SKAP1: variants seen among roughly 807,000 people sequenced by gnomAD.
SKAP1 encodes the protein src kinase-associated phosphoprotein 1.
SKAP1 carries 44 observed loss-of-function variants against 58.5 expected under a neutral mutation model. The ratio of observed to expected loss-of-function variants is 0.75; its 90% CI spans 0.59 to 0.97. SKAP1 has a LOEUF of 0.97. SKAP1 is among the 50% of genes least tolerant of loss of function. The pLI is 0.00. For missense variants in SKAP1, 390 were observed against 435.2 expected, an observed-to-expected ratio of 0.90 and a Z score of 0.92; for synonymous variants, 127 against 149.7, an observed-to-expected ratio of 0.85 and a Z score of 1.11.
intron 4 of SKAP1, among the ~76,000 whole-genome samples, chr17:48,223,521 A>G (rs909887452): frequency 6.6e-6 from 1 of 152,198 alleles, no homozygotes; most frequent in Non-Finnish European, 1.5e-5. Context: ...TTTTGGCATC[A>G]TCTGTGAACT....
At chr17:48,225,363 A>G (rs2065055493) in intron 4 of SKAP1, among the ~76,000 whole-genome samples, 2 of 152,202 alleles carry the variant, frequency 1.3e-5, no homozygotes, top group Admixed American at 6.5e-5. Context: ...ACATTTATTT[A>G]TCAAGTAGAT....
intron 4 of SKAP1, among the ~76,000 whole-genome samples, chr17:48,243,083 T>G (rs1212255548): frequency 2.0e-5 from 3 of 152,228 alleles, no homozygotes; most frequent in Non-Finnish European, 2.9e-5. Flanking sequence ...ATACCTGGAC[T>G]GTGATGTAAA....
rs114362406 is a variant in SKAP1 at position 48,331,838 on chromosome 17, A to G, written c.280+14067T>C. The stretch of plus-strand genomic sequence containing the variant: ...AATAAGCTAGTTAATAAAGCATCTA[A>G]GGAAGGAGAAAATATGTTCATTGAA... On this transcript the variant is annotated intron_variant, in intron 4 of 12. Transcript: ENST00000336915. Among the ~76,000 whole-genome samples the G allele has an allele frequency of 3.4e-3, 516 of 152,340 alleles. 4 individuals carry two copies. Among genetic ancestry groups the G allele is most frequent in the African/African-American group, 0.012 (481 of 41,588 alleles).
intron 4 of SKAP1, among the ~76,000 whole-genome samples, chr17:48,303,185 T>C (rs1055646146): frequency 6.6e-6 from 1 of 151,840 alleles, no homozygotes; most frequent in East Asian, 1.9e-4. Context: ...TATTGGAGAG[T>C]CTTACTTCAC....
rs77517499 is a variant in SKAP1 at position 48,257,386 on chromosome 17, C to A, written c.281-67886G>T. ...TAGCCAGTTTACTACAAACACAAATCTTACATGTGGAGCTATGTGTGAAGG... is the reference window on the plus strand; with the variant it reads ...TAGCCAGTTTACTACAAACACAAATATTACATGTGGAGCTATGTGTGAAGG... On this transcript the variant is annotated intron_variant, in intron 4 of 12. Transcript: ENST00000336915. Among the ~76,000 whole-genome samples, 42 of 152,212 alleles carry A rather than the reference C, an allele frequency of 2.8e-4. No homozygotes were observed. In the East Asian group the frequency reaches 6.2e-3, roughly 22 times the overall value.
chr17:48,389,807 A>C (rs2067324109), intron 2 of SKAP1, among the ~76,000 whole-genome samples: 1 of 152,240 alleles, frequency 6.6e-6, no homozygotes, highest in African/African-American at 2.4e-5. Context: ...ACTCATTTTC[A>C]ACAGAATCAT....
At chr17:48,357,277 C>T (rs532674320) in intron 3 of SKAP1, among the ~76,000 whole-genome samples, 142 of 151,984 alleles carry the variant, frequency 9.3e-4, no homozygotes, top group African/African-American at 3.2e-3. Flanking sequence ...TTAGAAAGGA[C>T]ATAAAAATCT....
intron 4 of SKAP1, among the ~76,000 whole-genome samples, chr17:48,248,156 C>T (rs1019995547): frequency 6.6e-6 from 1 of 151,858 alleles, no homozygotes; most frequent in Non-Finnish European, 1.5e-5. Flanking sequence ...TATATTTTTA[C>T]CCATTTATTC....
intron 4 of SKAP1, among the ~76,000 whole-genome samples, chr17:48,215,855 C>T (rs2064933555): frequency 6.6e-6 from 1 of 152,106 alleles, no homozygotes. Context: ...AGACAGTTTT[C>T]CTCCTTTCCT....
intron 4 of SKAP1, among the ~76,000 whole-genome samples, chr17:48,213,907 T>C (rs1267497085): frequency 2.0e-5 from 3 of 152,164 alleles, no homozygotes; most frequent in African/African-American, 7.2e-5. Context: ...TGCACAGCAC[T>C]CAAGGGTGGC....
At chr17:48,321,603 C>T (rs1021452399) in intron 4 of SKAP1, among the ~76,000 whole-genome samples, 1 of 152,044 alleles carries the variant, frequency 6.6e-6, no homozygotes, top group Non-Finnish European at 1.5e-5. Flanking sequence ...TCGTCTCGAT[C>T]TCCTGACCTT....
At position 48,191,952 on chromosome 17, in the gene SKAP1, A is replaced by T. The variant is rs188652617; in HGVS notation, c.281-2452T>A. ...AAGGAAACAGTAGCAGATTCTACTG[A>T]GGGTGAGGCATTGAGTGGGGTGAGG... On this transcript the variant is annotated intron_variant, in intron 4 of 12. Coordinates refer to ENST00000336915, the MANE Select transcript of SKAP1 (RefSeq NM_003726.4). 3.0e-4 allele frequency among the ~76,000 whole-genome samples: 46 copies of T among 152,272 alleles called. 1 individual carries two copies. Among genetic ancestry groups the T allele is most frequent in the Admixed American group, 2.8e-3 (43 of 15,302 alleles).
chr17:48,151,434 C>T (rs1336515869), intron 11 of SKAP1, among the ~76,000 whole-genome samples: 1 of 152,160 alleles, frequency 6.6e-6, no homozygotes, highest in East Asian at 1.9e-4. Context: ...GGATTGTCGT[C>T]GCTGTTTTTT....
intron 4 of SKAP1, among the ~76,000 whole-genome samples, chr17:48,202,774 C>T (rs1054276102): frequency 5.9e-5 from 9 of 151,916 alleles, no homozygotes; most frequent in Admixed American, 3.3e-4. Context: ...ACTCAGCAAA[C>T]GGGGAAAAAA....
At chr17:48,268,352 C>T (rs376124145) in intron 4 of SKAP1, among the ~76,000 whole-genome samples, 57 of 152,006 alleles carry the variant, frequency 3.7e-4, no homozygotes, top group African/African-American at 1.4e-3. Flanking sequence ...AACTTGAGTA[C>T]AGGCAATCCT....
intron 4 of SKAP1, among the ~76,000 whole-genome samples, chr17:48,325,028 C>G (rs1372247877): frequency 6.6e-6 from 1 of 151,968 alleles, no homozygotes; most frequent in Non-Finnish European, 1.5e-5. Flanking sequence ...GCGGGCGGAT[C>G]ACGAGGTCAG....
chr17:48,264,417 T>G (rs892943016), intron 4 of SKAP1, among the ~76,000 whole-genome samples: 3 of 152,188 alleles, frequency 2.0e-5, no homozygotes. Context: ...CTGTGGTATA[T>G]GAGATTCAAT....
At chr17:48,411,719 G>A (rs2067668578) in intron 1 of SKAP1, among the ~76,000 whole-genome samples, 1 of 152,164 alleles carries the variant, frequency 6.6e-6, no homozygotes, top group African/African-American at 2.4e-5. Flanking sequence ...CTTTTCCTCT[G>A]TGATCTTCCT....
chr17:48,158,484 C>T (rs1245875280), intron 11 of SKAP1, among the ~76,000 whole-genome samples: 1 of 143,766 alleles, frequency 7.0e-6, no homozygotes, highest in Non-Finnish European at 1.5e-5. Context: ...AGGAGAATGG[C>T]GTGAACCCAG....
Sources: gnomAD v4.1 joint callset for allele counts (sites outside exome capture counted in the v4.1 genomes callset) on GRCh38, gnomAD v4.1.1 for gene constraint, MANE v1.5 for transcripts, NCBI Gene and HGNC (gene_info 2026-07-23, HGNC 2026-07-21) for gene names.